The following ROR1 variants were observed in gnomAD, a reference collection of about 807,000 sequenced individuals.
The protein encoded by ROR1 is ROR family WNT receptor 1, also known as inactive tyrosine-protein kinase transmembrane receptor ROR1.
ROR1 carries 19 observed loss-of-function variants against 78.8 expected under a neutral mutation model. That is an observed-to-expected ratio of 0.24 (90% confidence interval 0.17 to 0.35). ROR1 has a LOEUF of 0.35. Among genes scored for constraint, ROR1 ranks in the 10% least tolerant of loss-of-function variants. The pLI is 1.00. For missense variants in ROR1, 917 were observed against 1,177.8 expected (o/e 0.78, Z 3.24); for synonymous variants, 386 against 433.6 (o/e 0.89, Z 1.36).
chr1:64,158,709 A>C (rs1180770257), intron 7 of ROR1, among the ~76,000 whole-genome samples: 1 of 152,234 alleles, frequency 6.6e-6, no homozygotes, highest in African/African-American at 2.4e-5. Context: ...AAAGAGAGGC[A>C]ACATCAGAGG....
intron 4 of ROR1, chr1:64,111,917 C>T (rs1256520440): frequency 6.6e-6 from 1 of 152,130 alleles, no homozygotes; most frequent in African/African-American, 2.4e-5. Flanking sequence ...CAGTGGTTTC[C>T]CCAAAGCTAA....
rs114633885 is a variant in ROR1 at position 64,025,498 on chromosome 1, A to T, written c.163+16122A>T. 1.2e-3 allele frequency among the ~76,000 whole-genome samples: 183 copies of T among 152,296 alleles called. 1 individual carries two copies. The highest frequency in any genetic ancestry group is 4.3e-3 in the African/African-American group (178 of 41,570). On this transcript the variant is annotated intron_variant, in intron 2 of 8. Transcript: ENST00000371079. ...ACAAAAAGGATACTTACACACACATATTTATAGCAGCACAATTTGCTGTTG... is the reference window on the plus strand; with the variant it reads ...ACAAAAAGGATACTTACACACACATTTTTATAGCAGCACAATTTGCTGTTG...
chr1:63,934,980 T>C (rs1645782986), intron 1 of ROR1, among the ~76,000 whole-genome samples: 1 of 152,046 alleles, frequency 6.6e-6, no homozygotes, highest in Non-Finnish European at 1.5e-5. Context: ...TGCAAGAATT[T>C]AGCAATCTGC....
At chr1:64,135,773 T>G (rs7517727) in intron 4 of ROR1, among the ~76,000 whole-genome samples, 6,774 of 152,288 alleles carry the variant, frequency 0.044, 494 homozygotes, top group African/African-American at 0.15. Context: ...ATATGATATA[T>G]TCATTTGTAT....
At chr1:63,795,250 C>G (rs1338972137) in intron 1 of ROR1, among the ~76,000 whole-genome samples, 2 of 152,164 alleles carry the variant, frequency 1.3e-5, no homozygotes, top group East Asian at 3.8e-4. Context: ...GAGGTTCCCT[C>G]TTGCAAGGGG....
intron 4 of ROR1, among the ~76,000 whole-genome samples, chr1:64,059,994 C>T (rs1317186764): frequency 2.3e-5 from 1 of 43,500 alleles, no homozygotes; most frequent in African/African-American, 1.1e-4. Flanking sequence ...TCTTAACAAG[C>T]GTTAGTTTTT....
At chr1:63,953,247 T>G (rs1256319345) in intron 1 of ROR1, among the ~76,000 whole-genome samples, 3 of 152,152 alleles carry the variant, frequency 2.0e-5, no homozygotes, top group Non-Finnish European at 4.4e-5. Context: ...TTATTTAATC[T>G]CTTAGAACCT....
At chr1:63,843,391 C>A in intron 1 of ROR1, 1 of 761,392 alleles carries the variant, frequency 1.3e-6, no homozygotes, top group Non-Finnish European at 2.4e-6. Context: ...AAGATAAACA[C>A]CAGGTCCTCC....
At chr1:63,934,787 G>C (rs1310122707) in intron 1 of ROR1, among the ~76,000 whole-genome samples, 1 of 152,168 alleles carries the variant, frequency 6.6e-6, no homozygotes, top group Non-Finnish European at 1.5e-5. Context: ...GGCCTGAGAA[G>C]ATCCTGTAAG....
intron 1 of ROR1, among the ~76,000 whole-genome samples, chr1:63,965,436 A>T (rs1440843786): frequency 1.3e-5 from 2 of 152,194 alleles, no homozygotes; most frequent in Admixed American, 1.3e-4. Flanking sequence ...GTGTTTCTGC[A>T]TTTAACATCT....
chr1:64,169,454 A>G (rs1380273235), intron 8 of ROR1, among the ~76,000 whole-genome samples: 3 of 152,160 alleles, frequency 2.0e-5, no homozygotes, highest in Admixed American at 1.3e-4. Flanking sequence ...CTTATTCACT[A>G]TCACGAGAAC....
At chr1:64,123,017 A>T (rs1409908195) in intron 4 of ROR1, among the ~76,000 whole-genome samples, 1 of 152,128 alleles carries the variant, frequency 6.6e-6, no homozygotes, top group African/African-American at 2.4e-5. Context: ...TGATAGCTAC[A>T]TTCCCTCACT....
intron 8 of ROR1, among the ~76,000 whole-genome samples, chr1:64,166,135 A>G (rs1213734285): frequency 1.3e-5 from 2 of 152,218 alleles, no homozygotes; most frequent in African/African-American, 4.8e-5. Context: ...TTCTTTCCCC[A>G]CTGCTTGCTT....
intron 1 of ROR1, among the ~76,000 whole-genome samples, chr1:63,888,087 T>C (rs855846): frequency 6.6e-6 from 1 of 152,122 alleles, no homozygotes; most frequent in Non-Finnish European, 1.5e-5. Flanking sequence ...GACGGACTCT[T>C]GTGAACTGAA....
chr1:64,035,209 T>G (rs958889920), intron 2 of ROR1, among the ~76,000 whole-genome samples: 3 of 152,242 alleles, frequency 2.0e-5, no homozygotes, highest in African/African-American at 7.2e-5. Context: ...AAAATAGTGA[T>G]GCTTGTGTGC....
At chr1:63,791,663 G>C (rs1206216794) in intron 1 of ROR1, among the ~76,000 whole-genome samples, 1 of 152,116 alleles carries the variant, frequency 6.6e-6, no homozygotes, top group Admixed American at 6.5e-5. Context: ...GTGGGGTTCA[G>C]GACCTTACCT....
intron 1 of ROR1, among the ~76,000 whole-genome samples, chr1:63,882,347 C>G (rs760796790): frequency 6.6e-5 from 10 of 152,206 alleles, no homozygotes; most frequent in Non-Finnish European, 1.2e-4. Flanking sequence ...AAATATTAAT[C>G]TGAAAAGAAG....
intron 7 of ROR1, among the ~76,000 whole-genome samples, chr1:64,147,174 C>T (rs1029022061): frequency 1.3e-5 from 2 of 152,158 alleles, no homozygotes; most frequent in Non-Finnish European, 2.9e-5. Context: ...TAGTATTACT[C>T]AGTGTGTTAT....
intron 1 of ROR1, among the ~76,000 whole-genome samples, chr1:63,935,732 C>T (rs1236276735): frequency 1.3e-5 from 2 of 152,338 alleles, no homozygotes; most frequent in East Asian, 1.9e-4. Context: ...TAGCTTGAAA[C>T]AGCAGCTGGA....
Sources: allele counts gnomAD v4.1 joint callset (sites outside exome capture counted in the v4.1 genomes callset), GRCh38; gene constraint gnomAD v4.1.1; transcripts MANE v1.5; gene names NCBI Gene and HGNC (gene_info 2026-07-23, HGNC 2026-07-21).